Variants in C2CD2 observed in about 807,000 individuals in gnomAD.
The protein encoded by C2CD2 is C2 domain-containing protein 2.
A neutral mutation model predicts 74.3 loss-of-function variants in C2CD2; 43 were observed. The ratio of observed to expected loss-of-function variants is 0.58; its 90% confidence interval spans 0.45 to 0.75. C2CD2 has a LOEUF of 0.75. Among genes scored for constraint, C2CD2 ranks in the 30% least tolerant of loss-of-function variants. The pLI is 0.00. For missense variants in C2CD2, 801 were observed against 916.3 expected, an observed-to-expected ratio of 0.87 and a Z score of 1.63; for synonymous variants, 422 against 390.7, an observed-to-expected ratio of 1.08 and a Z score of -0.94.
chr21:41,894,590 G>T (rs971924957), intron 13 of C2CD2: 1 of 454,134 alleles, frequency 2.2e-6, no homozygotes. Context: ...ATCAAAGCCC[G>T]TGGGGTCTCA....
intron 1 of C2CD2, among the ~76,000 whole-genome samples, chr21:41,948,687 C>T (rs1021787555): frequency 1.3e-5 from 2 of 152,038 alleles, no homozygotes; most frequent in Non-Finnish European, 2.9e-5. Context: ...GTTCTACCAA[C>T]TGGCTTCCTA....
intron 12 of C2CD2, chr21:41,900,809 A>T (rs1341684235): frequency 1.3e-5 from 2 of 152,238 alleles, no homozygotes; most frequent in African/African-American, 2.4e-5. Flanking sequence ...GTCAAAAAAA[A>T]GTAAGGGCCG....
At chr21:41,935,870 G>A (rs1601597626) in intron 2 of C2CD2, among the ~76,000 whole-genome samples, 1 of 152,188 alleles carries the variant, frequency 6.6e-6, no homozygotes, top group South Asian at 2.1e-4. Context: ...CACCTTGAAT[G>A]GTGCTGGGAA....
At position 41,944,436 on chromosome 21, in the gene C2CD2, G is replaced by A. The variant is rs563606567; in HGVS notation, c.280-2191C>T. On this transcript the variant is annotated intron_variant, in intron 1 of 13. Coordinates refer to ENST00000380486, the MANE Select transcript of C2CD2 (RefSeq NM_015500.2). ...ACTCGGGAGGCTGAGGCAGGAGAAT[G>A]GCATGAACCCGGGAGGCAGACCTTG... Among the ~76,000 whole-genome samples the A allele has an allele frequency of 1.3e-3, 191 of 150,544 alleles. 2 individuals carry two copies. The highest frequency in any genetic ancestry group is 3.4e-3 in the Middle Eastern group (1 of 292).
intron 2 of C2CD2, among the ~76,000 whole-genome samples, chr21:41,935,263 G>T (rs552685224): frequency 1.2e-3 from 181 of 152,230 alleles, no homozygotes; most frequent in African/African-American, 4.2e-3. Flanking sequence ...AATATAAATG[G>T]AATATAGTGT....
At chr21:41,938,993 T>C (rs988917455) in intron 2 of C2CD2, among the ~76,000 whole-genome samples, 2 of 152,026 alleles carry the variant, frequency 1.3e-5, no homozygotes, top group Admixed American at 6.6e-5. Flanking sequence ...CCGCCCACCT[T>C]GGCCTCCCAA....
In C2CD2 at chr21:41,885,138, T is replaced by C. The variant is rs890114720; in HGVS notation, c.*3986A>G. On this transcript the variant is annotated 3_prime_UTR_variant, in exon 14 of 14. Coordinates refer to ENST00000380486, the MANE Select transcript of C2CD2 (RefSeq NM_015500.2). ...AGTGTTCTGTGTGCACATTTATTTC[T>C]TTCAAAGATTGTTTGTGTTCCAGCC... 3.3e-5 allele frequency: 5 copies of C among 152,388 alleles called. No homozygotes were observed. Among genetic ancestry groups the C allele is most frequent in the South Asian group, 2.1e-4 (1 of 4,828 alleles). The allele number at this position is 152,388 out of a possible 1,614,324, so 9.4% of individuals were successfully genotyped here. A position where few individuals can be genotyped will look rare whatever the true frequency, so the allele number is the denominator to read the frequency against.
chr21:41,900,454 T>C (rs893676136), intron 12 of C2CD2, among the ~76,000 whole-genome samples: 4 of 152,172 alleles, frequency 2.6e-5, no homozygotes, highest in Non-Finnish European at 5.9e-5. Flanking sequence ...TGCTCATTCA[T>C]TCACCCAAGA....
intron 1 of C2CD2, 33 bp downstream of exon 1, chr21:41,953,337 G>A: frequency 1.5e-6 from 2 of 1,358,158 alleles, no homozygotes; most frequent in Non-Finnish European, 9.6e-7. Context: ...CCCGGCATCT[G>A]CCGCCCCCCG....
At chr21:41,918,330 G>A in intron 4 of C2CD2, 103 bp from the exon 5 acceptor site, 1 of 1,208,890 alleles carries the variant, frequency 8.3e-7, no homozygotes. Flanking sequence ...TAGGAAGGAA[G>A]GAAATTACCT....
rs1193070871 is a variant in C2CD2, at chr21:41,914,602, G to A, written c.840C>T (p.Ala280=). ...IHVLLLSEPG[A]SGHINAVCVV... is the part of the protein sequence containing the mutation. ...CAGGCTCCCATCGTCACCCACCTGA[G>A]GCACCGGGCTCGCTGAGCAGCAAGA... Residue 280 remains alanine, a synonymous_variant, in exon 6 of 14, where the codon GCC becomes GCT. Transcript: ENST00000380486. 6.2e-7 allele frequency: 1 copy of A among 1,613,392 alleles called. No individual in the cohort carries two copies. The highest frequency in any genetic ancestry group is 8.5e-7 in the Non-Finnish European group (1 of 1,179,664).
In C2CD2 at chr21:41,901,435, G is replaced by T. The variant is rs370056394; in HGVS notation, c.1560+187C>A. On this transcript the variant is annotated intron_variant, in intron 12 of 13. Coordinates refer to ENST00000380486, the MANE Select transcript of C2CD2 (RefSeq NM_015500.2). Reference sequence around the variant, plus strand: ...AAGTCTCCCATGTCCTTGGTGAATAGGATAAACTGTGTAAACACAACACCA... The same window carrying T: ...AAGTCTCCCATGTCCTTGGTGAATATGATAAACTGTGTAAACACAACACCA... The T allele has an allele frequency of 1.9e-5, 13 of 677,710 alleles. No individual in the cohort carries two copies. In the East Asian group the frequency reaches 2.2e-4, roughly 11 times the overall value. The allele number at this position is 677,710 out of a possible 1,614,324, so 42.0% of individuals were successfully genotyped here.
intron 3 of C2CD2, among the ~76,000 whole-genome samples, 181 bp downstream of exon 3, chr21:41,921,791 G>A (rs2065156615): frequency 1.3e-5 from 2 of 152,200 alleles, no homozygotes. Context: ...AATGTGTAGT[G>A]TGTGTGATCA....
chr21:41,907,768 C>A lies in C2CD2; in HGVS notation c.1035G>T (p.Ala345=). ...TCTTAAATAAGTCCAGAGGAACTGT[C>A]GCCGTCGCCAGCAGACCTGAAAAGA... is the stretch of plus-strand genomic sequence containing the variant. ...GRSSEGLLAT[A]TVPLDLFKKQ... The change falls in exon 9 of 14, where the codon GCG becomes GCT. Residue 345 remains alanine (A), a synonymous_variant. Transcript: ENST00000380486. 6.2e-7 allele frequency: 1 copy of A among 1,613,962 alleles called. No homozygotes were observed. Among genetic ancestry groups the A allele is most frequent in the South Asian group, 1.1e-5 (1 of 91,060 alleles).
intron 7 of C2CD2, 106 bp from the exon 8 acceptor site, chr21:41,909,629 T>C: frequency 1.2e-6 from 1 of 831,300 alleles, no homozygotes; most frequent in Non-Finnish European, 2.1e-6. Context: ...AAGATGTCAA[T>C]ATTTAACAAA....
chr21:41,901,438 T>A, intron 12 of C2CD2, 184 bp downstream of exon 12: 1 of 682,678 alleles, frequency 1.5e-6, no homozygotes, highest in Non-Finnish European at 2.6e-6. Context: ...GTGAATAGGA[T>A]AAACTGTGTA....
intron 5 of C2CD2, 87 bp from the exon 6 acceptor site, chr21:41,914,808 G>C: frequency 1.7e-6 from 2 of 1,174,390 alleles, no homozygotes; most frequent in Non-Finnish European, 2.4e-6. Context: ...GTTATGGGGG[G>C]TGGTGGCAGT....
At chr21:41,917,537 A>G (rs2065106055) in intron 5 of C2CD2, among the ~76,000 whole-genome samples, 1 of 152,214 alleles carries the variant, frequency 6.6e-6, no homozygotes, top group African/African-American at 2.4e-5. Context: ...ACCAGGGCAA[A>G]TGCTCTGGTT....
At chr21:41,928,746 C>T (rs757476256) in intron 2 of C2CD2, among the ~76,000 whole-genome samples, 4 of 152,002 alleles carry the variant, frequency 2.6e-5, no homozygotes, top group Non-Finnish European at 4.4e-5. Flanking sequence ...GTAGAACACA[C>T]GTGCACACAA....
Sources: gnomAD v4.1 joint callset for allele counts (sites outside exome capture counted in the v4.1 genomes callset) on GRCh38, gnomAD v4.1.1 for gene constraint, MANE v1.5 for transcripts, NCBI Gene and HGNC (gene_info 2026-07-23, HGNC 2026-07-21) for gene names.